The following DUSP22 variants were observed in gnomAD, a reference collection of about 807,000 sequenced individuals.
The protein encoded by DUSP22 is dual specificity phosphatase 22.
Under a neutral mutation model 24.5 loss-of-function variants are expected in DUSP22, and 24 were observed. The ratio of observed to expected loss-of-function variants is 0.98; its 90% CI spans 0.71 to 1.38. The LOEUF (loss-of-function observed/expected upper bound fraction) is 1.38, where lower values mean the gene tolerates loss of function less well. Among genes scored for constraint, DUSP22 ranks in the 40% most tolerant of loss-of-function variants. The pLI is 0.00. For missense variants in DUSP22, 330 were observed against 269.2 expected (o/e 1.23, Z -1.58); for synonymous variants, 160 against 106.4 (o/e 1.50, Z -3.10).
At chr6:295,377 T>C (rs1405967240) in intron 1 of DUSP22, among the ~76,000 whole-genome samples, 23 of 152,288 alleles carry the variant, frequency 1.5e-4, no homozygotes, top group African/African-American at 5.1e-4. Flanking sequence ...TCCGGGCTCC[T>C]GTACGGCGGA....
At chr6:318,260 A>C (rs1758424343) in intron 3 of DUSP22, among the ~76,000 whole-genome samples, 2 of 152,312 alleles carry the variant, frequency 1.3e-5, no homozygotes, top group South Asian at 2.1e-4. Context: ...AGACACAGAC[A>C]GTGACAGTCA....
intron 1 of DUSP22, among the ~76,000 whole-genome samples, chr6:296,269 T>G (rs1483564256): frequency 6.6e-6 from 1 of 152,310 alleles, no homozygotes; most frequent in Non-Finnish European, 1.5e-5. Context: ...CCAATGAGTT[T>G]ATGGTGTGTT....
chr6:300,160 T>C (rs985157226), intron 1 of DUSP22, among the ~76,000 whole-genome samples: 26 of 152,420 alleles, frequency 1.7e-4, no homozygotes, highest in Admixed American at 1.2e-3. Context: ...TATTTGAAAA[T>C]TGGGCTGTTT....
In DUSP22 at chr6:314,314, C is replaced by G. The variant is rs573444830; in HGVS notation, c.138+2352C>G. On this transcript the variant is annotated intron_variant, in intron 3 of 6. Coordinates refer to ENST00000419235, the MANE Select transcript of DUSP22 (RefSeq NM_001286555.3). ...GCTGGCTTCTCTGGGCAGCCCCAGGCTGGGGCTTGGTAGGAAGTGGGAAGG... is the reference window on the plus strand; with the variant it reads ...GCTGGCTTCTCTGGGCAGCCCCAGGGTGGGGCTTGGTAGGAAGTGGGAAGG... Among the ~76,000 whole-genome samples the G allele has an allele frequency of 1.0e-4, 16 of 152,392 alleles. No homozygotes were observed. The East Asian group carries it at 3.1e-3, about 29-fold the overall frequency.
At position 348,619 on chromosome 6, in the gene DUSP22, G is replaced by A. The variant is rs866251401; in HGVS notation, c.436-150G>A. On this transcript the variant is annotated intron_variant, in intron 6 of 6. Coordinates refer to ENST00000419235, the MANE Select transcript of DUSP22 (RefSeq NM_001286555.3). ...TTCCTTCTCTTGCTTGACCCTGGCT[G>A]GCCAACCACAGAGCTCTGATTTCCC... 1.3e-5 allele frequency: 18 copies of A among 1,361,836 alleles called. No homozygotes were observed. The South Asian group carries it at 2.2e-4, about 17-fold the overall frequency. The allele number at this position is 1,361,836 out of a possible 1,614,324, so 84.4% of individuals were successfully genotyped here. A position where few individuals can be genotyped will look rare whatever the true frequency, so the allele number is the denominator to read the frequency against.
intron 4 of DUSP22, among the ~76,000 whole-genome samples, chr6:341,840 C>G (rs1174074518): frequency 1.3e-5 from 2 of 152,302 alleles, no homozygotes; most frequent in African/African-American, 4.8e-5. Context: ...CTCCTCAGCT[C>G]CTTCACACGC....
At chr6:306,776 C>T (rs1345922396) in intron 2 of DUSP22, among the ~76,000 whole-genome samples, 1 of 152,306 alleles carries the variant, frequency 6.6e-6, no homozygotes, top group African/African-American at 2.4e-5. Context: ...TGAATGTGGA[C>T]CAGTGTCCCT....
At chr6:303,773 C>T (rs1350363415) in intron 1 of DUSP22, among the ~76,000 whole-genome samples, 1 of 152,306 alleles carries the variant, frequency 6.6e-6, no homozygotes, top group Non-Finnish European at 1.5e-5. Context: ...TTGCTTCCTA[C>T]TTCGCAAATT....
rs978891069 is a variant in DUSP22, at chr6:349,500, G to C, written c.*549G>C. 2.0e-6 allele frequency: 2 copies of C among 996,266 alleles called. No homozygotes were observed. Among genetic ancestry groups the C allele is most frequent in the East Asian group, 2.2e-4 (2 of 9,110 alleles). The allele number at this position is 996,266 out of a possible 1,614,324, so 61.7% of individuals were successfully genotyped here. ...AAAGAGCAGTCTGTGCCTCTGAGCA[G>C]ACCGTGAGAACTCAGGGGACGAGTG... On this transcript the variant is annotated 3_prime_UTR_variant, in exon 7 of 7. Coordinates refer to ENST00000419235, the MANE Select transcript of DUSP22 (RefSeq NM_001286555.3).
intron 3 of DUSP22, among the ~76,000 whole-genome samples, chr6:314,237 G>A (rs1216777020): frequency 1.3e-5 from 2 of 152,230 alleles, no homozygotes; most frequent in African/African-American, 2.4e-5. Context: ...AGAGAGCTGG[G>A]CCTCATTTAT....
At chr6:306,563 T>C (rs965648390) in intron 2 of DUSP22, among the ~76,000 whole-genome samples, 1 of 152,308 alleles carries the variant, frequency 6.6e-6, no homozygotes, top group African/African-American at 2.4e-5. Context: ...TATTCTGATA[T>C]TGGTATGAGG....
intron 5 of DUSP22, among the ~76,000 whole-genome samples, chr6:346,457 C>G (rs56384452): frequency 0.019 from 2,824 of 151,336 alleles, no homozygotes; most frequent in South Asian, 0.047. Flanking sequence ...CACACACACA[C>G]AGTGAAAAGA....
chr6:335,072 C>T (rs762155839), intron 3 of DUSP22, 42 bp from the exon 4 acceptor site: 11 of 1,598,046 alleles, frequency 6.9e-6, no homozygotes, highest in African/African-American at 1.3e-5. Flanking sequence ...CACTGAGTTT[C>T]ATGTTTTTAT....
chr6:346,757 T>C (rs1442898620), intron 5 of DUSP22, among the ~76,000 whole-genome samples: 2 of 152,304 alleles, frequency 1.3e-5, no homozygotes, highest in African/African-American at 4.8e-5. Context: ...CAGTTCCTCT[T>C]GCACTGTAAG....
intron 6 of DUSP22, 41 bp downstream of exon 6, chr6:348,315 C>T (rs766093072): frequency 3.1e-6 from 5 of 1,611,274 alleles, no homozygotes; most frequent in Non-Finnish European, 3.4e-6. Context: ...CAGGCAGGTG[C>T]CCCTGAACGG....
chr6:319,385 G>A (rs1020017457), intron 3 of DUSP22, among the ~76,000 whole-genome samples: 3 of 151,938 alleles, frequency 2.0e-5, no homozygotes, highest in African/African-American at 7.2e-5. Context: ...TGTTGTCCAC[G>A]GCCGATTGGT....
chr6:303,258 A>G (rs1243065518), intron 1 of DUSP22, among the ~76,000 whole-genome samples: 4 of 152,304 alleles, frequency 2.6e-5, no homozygotes, highest in African/African-American at 4.8e-5. Context: ...CAAGATAGGA[A>G]TGATAAAGTA....
At chr6:294,301 C>T (rs1210292907) in intron 1 of DUSP22, among the ~76,000 whole-genome samples, 2 of 152,274 alleles carry the variant, frequency 1.3e-5, no homozygotes, top group African/African-American at 4.8e-5. Flanking sequence ...TTCCCTGCTT[C>T]AACACTTATT....
intron 4 of DUSP22, 117 bp from the exon 5 acceptor site, chr6:345,737 T>A (rs1759833289): frequency 8.0e-7 from 1 of 1,247,448 alleles, no homozygotes; most frequent in Non-Finnish European, 1.1e-6. Flanking sequence ...GAATTATGTG[T>A]CAATTATACA....
Sources: gnomAD v4.1 joint callset for allele counts (sites outside exome capture counted in the v4.1 genomes callset) on GRCh38, gnomAD v4.1.1 for gene constraint, MANE v1.5 for transcripts, NCBI Gene and HGNC (gene_info 2026-07-23, HGNC 2026-07-21) for gene names.